ZNF525: variants seen among roughly 807,000 people sequenced by gnomAD.
ZNF525 encodes the protein zinc finger protein 525.
In ZNF525, 33 loss-of-function variants were observed where a neutral mutation model predicts 37.6. The observed-to-expected ratio is 0.88, with a 90% confidence interval of 0.67 to 1.17. ZNF525 has a LOEUF of 1.17. Among genes scored for constraint, ZNF525 ranks in the 50% most tolerant of loss-of-function variants. ZNF525 has a pLI of 0.00. For synonymous variants in ZNF525, 170 were observed against 182.3 expected, an observed-to-expected ratio of 0.93 and a Z score of 0.54; for missense variants, 449 against 543.1, an observed-to-expected ratio of 0.83 and a Z score of 1.72.
At chr19:53,379,154 C>T (rs2085542298) in intron 3 of ZNF525, among the ~76,000 whole-genome samples, 1 of 152,000 alleles carries the variant, frequency 6.6e-6, no homozygotes, top group African/African-American at 2.4e-5. Flanking sequence ...CTCACCCTGT[C>T]ACTCAAGCTG....
chr19:53,377,252 A>C (rs2085528827), intron 3 of ZNF525, among the ~76,000 whole-genome samples: 1 of 152,216 alleles, frequency 6.6e-6, no homozygotes, highest in Admixed American at 6.5e-5. Context: ...ATCTCGGGTC[A>C]CTGCAACCTC....
rs571718077 is a variant in ZNF525, at chr19:53,381,529, A to G, written c.950A>G (p.His317Arg). The G allele has an allele frequency of 4.8e-6, 6 of 1,253,636 alleles. No individual in the cohort carries two copies. In the East Asian group the frequency reaches 1.4e-4, roughly 29 times the overall value. The allele number at this position is 1,253,636 out of a possible 1,614,324, so 77.7% of individuals were successfully genotyped here. ...AGACACAATTCAGCCCTTCAAAGAC[A>G]TAGGAGAATTCATACTGGAGAGAAA... Reference protein sequence around the residue: ...AFRHNSALQRHRRIHTGEKPH... With the variant: ...AFRHNSALQRRRRIHTGEKPH... Residue 317 changes from histidine (H) to arginine (R), a missense_variant, in exon 4 of 4, where the codon CAT (histidine) becomes CGT (arginine). Transcript: ENST00000474037.
rs1038614503 is a variant in ZNF525, at chr19:53,369,114, G to C, written c.-67-3101G>C. 4.6e-5 allele frequency among the ~76,000 whole-genome samples: 7 copies of C among 152,232 alleles called. No homozygotes were observed. In the East Asian group the frequency reaches 1.3e-3, roughly 29 times the overall value. On this transcript the variant is annotated intron_variant, in intron 1 of 3. Coordinates refer to ENST00000474037, the MANE Select transcript of ZNF525 (RefSeq NM_001348156.2). The stretch of plus-strand genomic sequence containing the variant: ...CGGTAAAAGGGAAGGACCTTGGTTT[G>C]GTTTAAAAGGGAACTTTTTTTTGAC...
rs2085593673 is a variant in ZNF525 at position 53,384,821 on chromosome 19, G to C, written c.*2802G>C. ...TGCTCTGGCTAGGACAGGCAGTATTGATTGAATAGAAGGGGTGAGAGCATT... is the reference window on the plus strand; with the variant it reads ...TGCTCTGGCTAGGACAGGCAGTATTCATTGAATAGAAGGGGTGAGAGCATT... On this transcript the variant is annotated 3_prime_UTR_variant, in exon 4 of 4. Coordinates refer to ENST00000474037, the MANE Select transcript of ZNF525 (RefSeq NM_001348156.2). 1 of 594,444 alleles carries C rather than the reference G, an allele frequency of 1.7e-6. No homozygotes were observed. The highest frequency in any genetic ancestry group is 3.1e-5 in the Admixed American group (1 of 32,330). The allele number at this position is 594,444 out of a possible 1,614,324, so 36.8% of individuals were successfully genotyped here.
Position 53,386,176 on chromosome 19 carries a change from A to G in ZNF525, c.*4157A>G, listed in dbSNP as rs1209222350. ...CATCTCAAAAAAAAAAAAATTGTCAAGTTCCTTCTCTTCCATTCTTTGCCA... is the reference window on the plus strand; with the variant it reads ...CATCTCAAAAAAAAAAAAATTGTCAGGTTCCTTCTCTTCCATTCTTTGCCA... On this transcript the variant is annotated 3_prime_UTR_variant, in exon 4 of 4. Coordinates refer to ENST00000474037, the MANE Select transcript of ZNF525 (RefSeq NM_001348156.2). The G allele has an allele frequency of 1.9e-6, 1 of 525,776 alleles. No homozygotes were observed. Among genetic ancestry groups the G allele is most frequent in the Non-Finnish European group, 3.6e-6 (1 of 280,106 alleles). 32.6% of individuals were successfully genotyped at this position (525,776 alleles called of 1,614,324 possible). A position where few individuals can be genotyped will look rare whatever the true frequency, so the allele number is the denominator to read the frequency against.
chr19:53,370,319 T>G (rs1343298241), intron 1 of ZNF525, among the ~76,000 whole-genome samples: 1 of 149,030 alleles, frequency 6.7e-6, no homozygotes, highest in Non-Finnish European at 1.5e-5. Context: ...CTCGAAAGGC[T>G]GAGGCAGGAG....
chr19:53,380,309 GA>G (rs1305946781), intron 3 of ZNF525, among the ~76,000 whole-genome samples: 2 of 152,016 alleles, frequency 1.3e-5, no homozygotes, highest in African/African-American at 4.8e-5. Flanking sequence ...TAACAATACA[GA>G]ATTTCCATTG....
At chr19:53,368,042 C>T (rs1443931312) in intron 1 of ZNF525, among the ~76,000 whole-genome samples, 1 of 145,630 alleles carries the variant, frequency 6.9e-6, no homozygotes, top group East Asian at 2.4e-4. Context: ...GTCTATATCT[C>T]TTTTGTTTTT....
chr19:53,369,388 A>G (rs2085469325), intron 1 of ZNF525, among the ~76,000 whole-genome samples: 1 of 151,294 alleles, frequency 6.6e-6, no homozygotes. Flanking sequence ...CACCATGCCC[A>G]GCTAATTTTT....
At chr19:53,374,569 G>A (rs1308007997) in intron 2 of ZNF525, among the ~76,000 whole-genome samples, 2 of 152,104 alleles carry the variant, frequency 1.3e-5, no homozygotes, top group Non-Finnish European at 1.5e-5. Flanking sequence ...ATTCCTCCCT[G>A]CCCCCAACCG....
chr19:53,386,275 A>G lies in ZNF525; in HGVS notation c.*4256A>G. On this transcript the variant is annotated 3_prime_UTR_variant, in exon 4 of 4. Transcript: ENST00000474037. ...TTTCAGGATTAAGCGATTCCTGGCC[A>G]AGAAACAAAAGCAAAACCATCCCAC... The G allele has an allele frequency of 8.7e-6, 6 of 687,924 alleles. No homozygotes were observed. The highest frequency in any genetic ancestry group is 1.4e-5 in the Non-Finnish European group (5 of 367,616). 42.6% of individuals were successfully genotyped at this position (687,924 alleles called of 1,614,324 possible).
At position 53,384,903 on chromosome 19, in the gene ZNF525, A is replaced by G; in HGVS notation, c.*2884A>G. 2.9e-6 allele frequency: 2 copies of G among 697,324 alleles called. No individual in the cohort carries two copies. Among genetic ancestry groups the G allele is most frequent in the Non-Finnish European group, 5.2e-6 (2 of 383,090 alleles). 43.2% of individuals were successfully genotyped at this position (697,324 alleles called of 1,614,324 possible). A position where few individuals can be genotyped will look rare whatever the true frequency, so the allele number is the denominator to read the frequency against. On this transcript the variant is annotated 3_prime_UTR_variant, in exon 4 of 4. Coordinates refer to ENST00000474037, the MANE Select transcript of ZNF525 (RefSeq NM_001348156.2). ...TTCCATTTTCCCTGCTTGGTTATTT[A>G]CTCATTTGTCATTTCATGGATGTTC...
chr19:53,376,852 C>G (rs1245990113), intron 3 of ZNF525, among the ~76,000 whole-genome samples: 1 of 152,162 alleles, frequency 6.6e-6, no homozygotes, highest in Non-Finnish European at 1.5e-5. Flanking sequence ...TGCCTGTAAT[C>G]CCTGCTACTC....
rs2085570622 is a variant in ZNF525, at chr19:53,382,117, A to G, written c.*98A>G. The G allele has an allele frequency of 1.9e-6, 3 of 1,560,514 alleles. No individual in the cohort carries two copies. The African/African-American group carries it at 4.1e-5, about 21-fold the overall frequency. On this transcript the variant is annotated 3_prime_UTR_variant, in exon 4 of 4. Transcript: ENST00000474037. Reference sequence around the variant, plus strand: ...AGTCATACGTCATCCATTGTATACCATCATAAATTTCATAGTGGAGAGAAA... The same window carrying G: ...AGTCATACGTCATCCATTGTATACCGTCATAAATTTCATAGTGGAGAGAAA...
intron 1 of ZNF525, among the ~76,000 whole-genome samples, chr19:53,366,936 C>T (rs181456161): frequency 0.056 from 7,973 of 143,258 alleles, 340 homozygotes; most frequent in Middle Eastern, 0.11. Flanking sequence ...AGCGGCTCAG[C>T]AGATTTACAT....
Position 53,380,868 on chromosome 19 carries a change from T to G in ZNF525, c.289T>G (p.Phe97Val). 6.8e-7 allele frequency: 1 copy of G among 1,468,456 alleles called. No homozygotes were observed. The highest frequency in any genetic ancestry group is 1.1e-5 in the South Asian group (1 of 87,976). 91.0% of individuals were successfully genotyped at this position (1,468,456 alleles called of 1,614,324 possible). Residue 97 changes from phenylalanine (F) to valine (V), a missense_variant, in exon 4 of 4, where the codon TTT becomes GTT. Physicochemically the swap from Phe to Val is conservative, Grantham distance 50. This residue lies in a region of ZNF525 where 271 missense variants were observed against 381.6 expected (regional missense o/e 0.71). Transcript: ENST00000474037. ...FQEIEKDIHN[F>V]EFQWQEDERN... ...GGAAATTGAGAAAGATATTCATAAC[T>G]TTGAGTTTCAGTGGCAAGAAGATGA...
chr19:53,376,536 C>T (rs1047507804), intron 3 of ZNF525: 8 of 571,266 alleles, frequency 1.4e-5, no homozygotes, highest in Non-Finnish European at 2.4e-5. Context: ...TGTTTAATTG[C>T]TTTTCTGTGT....
chr19:53,371,954 A>G (rs1363369269), intron 1 of ZNF525, among the ~76,000 whole-genome samples: 3 of 152,078 alleles, frequency 2.0e-5, no homozygotes, highest in East Asian at 3.9e-4. Context: ...CAGCCTCTGT[A>G]TGAAGTTTGG....
chr19:53,366,822 A>G (rs2085450763), intron 1 of ZNF525, among the ~76,000 whole-genome samples: 2 of 141,182 alleles, frequency 1.4e-5, no homozygotes, highest in Non-Finnish European at 3.0e-5. Context: ...AGAAGAGAGA[A>G]TTTAACGGGG....
Sources: gnomAD v4.1 joint callset for allele counts (sites outside exome capture counted in the v4.1 genomes callset) on GRCh38, gnomAD v4.1.1 for gene constraint, gnomAD v4.1.1 regional missense constraint, MANE v1.5 for transcripts, NCBI Gene and HGNC (gene_info 2026-07-23, HGNC 2026-07-21) for gene names.